The following IL1R2 variants were observed in gnomAD, a reference collection of about 807,000 sequenced individuals.
The protein encoded by IL1R2 is interleukin-1 receptor type 2.
In IL1R2, 46 loss-of-function variants were observed where a neutral mutation model predicts 39.5. That is an observed-to-expected ratio of 1.16 (90% CI 0.92 to 1.49). The LOEUF is 1.49. IL1R2 is among the 40% of genes most tolerant of loss of function. IL1R2 has a pLI of 0.00. For missense variants in IL1R2, 537 were observed against 502.0 expected (o/e 1.07, Z -0.67); for synonymous variants, 207 against 189.6 (o/e 1.09, Z -0.75).
At chr2:102,023,593 G>A (rs1338116986) in intron 6 of IL1R2, 1 of 152,066 alleles carries the variant, frequency 6.6e-6, no homozygotes, top group Non-Finnish European at 1.5e-5. Flanking sequence ...ACACCACAGG[G>A]AGCCATATCA....
chr2:101,996,599 G>C (rs1237257719), intron 1 of IL1R2, among the ~76,000 whole-genome samples: 1 of 149,204 alleles, frequency 6.7e-6, no homozygotes, highest in Non-Finnish European at 1.5e-5. Context: ...AGGACAAGGT[G>C]GGCACATTTT....
chr2:102,028,245 G>T lies in IL1R2; in HGVS notation c.1050G>T (p.Trp350Cys). Residue 350 changes from tryptophan (W) to cysteine (C), a missense_variant, in exon 9 of 9, where the codon TGG (tryptophan) becomes TGT (cysteine). Physicochemically the swap from Trp to Cys is radical, Grantham distance 215. Transcript: ENST00000332549. ...TVKEASSTFS[W>C]GIVLAPLSLA... The stretch of plus-strand genomic sequence containing the variant: ...CCACAGCCTCCTCCACGTTCTCCTG[G>T]GGCATTGTGCTGGCCCCACTTTCAC... 1 of 1,610,188 alleles carries T rather than the reference G, an allele frequency of 6.2e-7. No individual in the cohort carries two copies. The highest frequency in any genetic ancestry group is 8.5e-7 in the Non-Finnish European group (1 of 1,178,172).
intron 7 of IL1R2, 112 bp from the exon 8 acceptor site, chr2:102,025,999 A>G: frequency 1.2e-6 from 1 of 806,054 alleles, no homozygotes; most frequent in African/African-American, 1.7e-5. Flanking sequence ...AAACTTGAAA[A>G]CAATAAAAGC....
At chr2:102,007,244 G>T (rs1424631353) in intron 1 of IL1R2, among the ~76,000 whole-genome samples, 3 of 152,290 alleles carry the variant, frequency 2.0e-5, no homozygotes, top group Non-Finnish European at 2.9e-5. Context: ...TGGGGGGCAT[G>T]GGGGAGGACT....
intron 1 of IL1R2, among the ~76,000 whole-genome samples, chr2:101,992,736 G>A (rs1675407912): frequency 1.3e-5 from 2 of 151,966 alleles, no homozygotes; most frequent in South Asian, 4.1e-4. Flanking sequence ...AAGACAGAGA[G>A]AAACACAGAG....
chr2:102,007,951 T>G (rs1237339557), intron 1 of IL1R2, among the ~76,000 whole-genome samples: 2 of 152,210 alleles, frequency 1.3e-5, no homozygotes, highest in African/African-American at 2.4e-5. Flanking sequence ...CTTCAGCTTA[T>G]TTTTTTCCTT....
In IL1R2 at chr2:102,026,114, A is replaced by G. The variant is rs1677730953; in HGVS notation, c.891A>G (p.Glu297=). ...AGTGAATGTTTTTTTAACTCAGGGA[A>G]TATTCAGAAAATAATGAGAACTACA... ...GGRVTEGPRQ[E]YSENNENYIE... The change falls in exon 8 of 9, where the codon GAA becomes GAG. Residue 297 remains glutamate (E), a synonymous_variant. Coordinates refer to ENST00000332549, the MANE Select transcript of IL1R2 (RefSeq NM_004633.4). The G allele has an allele frequency of 6.3e-7, 1 of 1,597,218 alleles. No individual in the cohort carries two copies. Among genetic ancestry groups the G allele is most frequent in the Non-Finnish European group, 8.5e-7 (1 of 1,171,104 alleles).
At position 102,024,643 on chromosome 2, in the gene IL1R2, G is replaced by C. The variant is rs1236364089; in HGVS notation, c.862G>C (p.Gly288Arg). The C allele has an allele frequency of 3.7e-6, 6 of 1,614,050 alleles. No homozygotes were observed. Among genetic ancestry groups the C allele is most frequent in the Admixed American group, 1.7e-5 (1 of 60,008 alleles). Residue 288 changes from glycine (G) to arginine (R), a missense_variant, in exon 7 of 9, where the codon GGC becomes CGC. By Grantham distance (125) the Gly-to-Arg change is moderately radical. Transcript: ENST00000332549. ...DTHIESAYPGGRVTEGPRQEY... is the reference protein window; with the variant it reads ...DTHIESAYPGRRVTEGPRQEY... ...CCACATAGAGAGCGCCTACCCGGGA[G>C]GCCGCGTGACCGAGGGGCCACGCCA...
chr2:102,019,605 T>G (rs1677228943), intron 4 of IL1R2, 33 bp from the exon 5 acceptor site: 1 of 1,462,404 alleles, frequency 6.8e-7, no homozygotes, highest in South Asian at 1.2e-5. Context: ...TATATTGGTA[T>G]AATGTCAACT....
rs190338417 is a variant in IL1R2 at position 102,008,582 on chromosome 2, C to A, written c.7C>A (p.Arg3Ser). The A allele has an allele frequency of 1.2e-6, 2 of 1,613,878 alleles. No homozygotes were observed. Among genetic ancestry groups the A allele is most frequent in the Non-Finnish European group, 8.5e-7 (1 of 1,179,806 alleles). Reference sequence around the variant, plus strand: ...CTGGAAGTTGTCAGGAGCAATGTTGCGCTTGTACGTGTTGGTAATGGGAGT... The same window carrying A: ...CTGGAAGTTGTCAGGAGCAATGTTGAGCTTGTACGTGTTGGTAATGGGAGT... ML[R>S]LYVLVMGVSA... The change falls in exon 2 of 9, where the codon CGC (arginine) becomes AGC (serine). Residue 3 changes from arginine to serine, a missense_variant. Arg to Ser is a moderately radical substitution (Grantham distance 110). Coordinates refer to ENST00000332549, the MANE Select transcript of IL1R2 (RefSeq NM_004633.4).
chr2:102,020,165 T>A (rs917399509), intron 5 of IL1R2, among the ~76,000 whole-genome samples: 2 of 152,240 alleles, frequency 1.3e-5, no homozygotes, highest in Non-Finnish European at 2.9e-5. Flanking sequence ...CACCACATGC[T>A]GTAACTTTAT....
chr2:101,993,424 C>CA (rs1675440413), intron 1 of IL1R2, among the ~76,000 whole-genome samples: 1 of 152,164 alleles, frequency 6.6e-6, no homozygotes, highest in African/African-American at 2.4e-5. Flanking sequence ...CACCCTCACA[C>CA]AGGGGAAGAA....
intron 7 of IL1R2, 78 bp downstream of exon 7, chr2:102,024,746 A>G: frequency 6.5e-7 from 1 of 1,530,664 alleles, no homozygotes; most frequent in South Asian, 1.2e-5. Flanking sequence ...ACTATGACCC[A>G]CATACCACAT....
chr2:102,018,828 C>T (rs1677174457), intron 4 of IL1R2, among the ~76,000 whole-genome samples: 2 of 152,278 alleles, frequency 1.3e-5, no homozygotes, highest in Admixed American at 6.5e-5. Flanking sequence ...TTTGACTACT[C>T]ATGCTTAGAA....
intron 1 of IL1R2, among the ~76,000 whole-genome samples, chr2:102,005,811 G>A (rs567889407): frequency 3.6e-4 from 55 of 152,208 alleles, no homozygotes; most frequent in Non-Finnish European, 7.1e-4. Context: ...GGAAAGCAGG[G>A]AGGACAGATA....
At chr2:102,025,201 T>C (rs971841969) in intron 7 of IL1R2, among the ~76,000 whole-genome samples, 1 of 152,250 alleles carries the variant, frequency 6.6e-6, no homozygotes. Flanking sequence ...CAATCAGACC[T>C]TTTGTAAGTG....
Position 102,015,304 on chromosome 2 carries a change from G to A in IL1R2, c.333-567G>A, listed in dbSNP as rs3218897. ...TGAACCTTGGTGGCATTAGAATCGG[G>A]CTTGTAGACAGTCCTTTGTGAAAAA... On this transcript the variant is annotated intron_variant, in intron 3 of 8. Coordinates refer to ENST00000332549, the MANE Select transcript of IL1R2 (RefSeq NM_004633.4). Among the ~76,000 whole-genome samples, 928 of 152,294 alleles carry A rather than the reference G, an allele frequency of 6.1e-3. 10 individuals carry two copies. Among genetic ancestry groups the A allele is most frequent in the African/African-American group, 0.021 (884 of 41,548 alleles).
intron 7 of IL1R2, among the ~76,000 whole-genome samples, chr2:102,025,539 C>T (rs983960319): frequency 1.3e-5 from 2 of 152,210 alleles, no homozygotes; most frequent in Non-Finnish European, 1.5e-5. Context: ...TGGATCCACT[C>T]ATCTGTGTTT....
At chr2:101,994,167 C>T (rs1448623795) in intron 1 of IL1R2, among the ~76,000 whole-genome samples, 1 of 152,182 alleles carries the variant, frequency 6.6e-6, no homozygotes, top group Non-Finnish European at 1.5e-5. Flanking sequence ...TTCAGGGCAG[C>T]TATCCTCTCT....
Sources: gnomAD v4.1 joint callset for allele counts (sites outside exome capture counted in the v4.1 genomes callset) on GRCh38, gnomAD v4.1.1 for gene constraint, MANE v1.5 for transcripts, NCBI Gene and HGNC (gene_info 2026-07-23, HGNC 2026-07-21) for gene names.